BTBD1: variants seen among roughly 807,000 people sequenced by gnomAD.
The protein encoded by BTBD1 is BTB domain containing 1.
BTBD1 carries 34 observed loss-of-function variants against 48.0 expected under a neutral mutation model. The ratio of observed to expected loss-of-function variants is 0.71; its 90% CI spans 0.54 to 0.94. BTBD1 has a LOEUF of 0.94. Ranked by LOEUF, BTBD1 falls within the 40% of genes least tolerant of loss-of-function variation. The pLI is 0.00. For missense variants in BTBD1, 543 were observed against 625.6 expected (o/e 0.87, Z 1.41); for synonymous variants, 261 against 242.1 (o/e 1.08, Z -0.72).
At chr15:83,057,878 G>C (rs2033114629) in intron 1 of BTBD1, among the ~76,000 whole-genome samples, 1 of 152,240 alleles carries the variant, frequency 6.6e-6, no homozygotes, top group African/African-American at 2.4e-5. Context: ...TGTTGGCTGG[G>C]AGCTCTGTGT....
intron 4 of BTBD1, among the ~76,000 whole-genome samples, chr15:83,034,542 A>G (rs1006902786): frequency 6.6e-5 from 10 of 152,208 alleles, no homozygotes; most frequent in African/African-American, 2.4e-4. Flanking sequence ...TGAACCCAGA[A>G]GGTGGACGTT....
intron 3 of BTBD1, among the ~76,000 whole-genome samples, chr15:83,042,373 T>TATATAC (rs2032783450): frequency 8.2e-6 from 1 of 122,316 alleles, no homozygotes; most frequent in African/African-American, 3.2e-5. Flanking sequence ...TATATATATA[T>TATATAC]ATATGTATGT....
At chr15:83,044,396 G>T in intron 3 of BTBD1, 1 of 1,555,708 alleles carries the variant, frequency 6.4e-7, no homozygotes, top group Non-Finnish European at 8.8e-7. Context: ...CTGGGAGGAA[G>T]ATGGCGCCTG....
chr15:83,052,797 AT>A (rs398028150), intron 2 of BTBD1, among the ~76,000 whole-genome samples: 89 of 94,532 alleles, frequency 9.4e-4, no homozygotes, highest in Middle Eastern at 0.016. Context: ...CGCCCGGCTA[AT>A]TTTTTTTTTT....
intron 3 of BTBD1, chr15:83,044,589 A>G: frequency 6.3e-7 from 1 of 1,595,746 alleles, no homozygotes; most frequent in Non-Finnish European, 8.6e-7. Context: ...GTTTGAAGAA[A>G]CCACAGCTGA....
chr15:83,031,419 A>C (rs991657324), intron 4 of BTBD1, among the ~76,000 whole-genome samples: 2 of 152,236 alleles, frequency 1.3e-5, no homozygotes, highest in African/African-American at 4.8e-5. Flanking sequence ...AAAATGTGGT[A>C]CATATACACC....
chr15:83,023,942 A>T (rs1248718399), intron 5 of BTBD1, among the ~76,000 whole-genome samples: 1 of 152,282 alleles, frequency 6.6e-6, no homozygotes, highest in African/African-American at 2.4e-5. Context: ...ATCTCGGCTC[A>T]TTGCAGCCTC....
intron 5 of BTBD1, among the ~76,000 whole-genome samples, chr15:83,025,357 CAAAAAAAAAA>C (rs767479917): frequency 3.1e-5 from 2 of 64,176 alleles, no homozygotes; most frequent in African/African-American, 1.2e-4. Context: ...GACTCCATCA[CAAAAAAAAAA>C]AAAAAAAAAA....
At position 83,030,151 on chromosome 15, in the gene BTBD1, G is replaced by A. The variant is rs929327670; in HGVS notation, c.1040C>T (p.Thr347Met). Residue 347 changes from threonine to methionine, a missense_variant, in exon 5 of 8, where the codon ACG becomes ATG. By Grantham distance (81) the Thr-to-Met change is moderately conservative. Around this residue, in one of 3 missense-constraint regions of BTBD1, gnomAD observed 300 missense variants for 350.0 expected, o/e 0.86. Transcript: ENST00000261721. ...QVESRWGYSGTSDRIRFTVNR... is the reference protein window; with the variant it reads ...QVESRWGYSGMSDRIRFTVNR... ...TAACAGATACCTGATTCGATCACTC[G>A]TCCCACTGTAACCCCAGCGGCTTTC... The A allele has an allele frequency of 3.7e-6, 6 of 1,613,388 alleles. No homozygotes were observed. The East Asian group carries it at 6.7e-5, about 18-fold the overall frequency.
At position 83,044,615 on chromosome 15, in the gene BTBD1, G is replaced by C. The variant is rs2032839622; in HGVS notation, c.665-2690C>G. The C allele has an allele frequency of 3.8e-6, 6 of 1,581,700 alleles. No homozygotes were observed. The South Asian group carries it at 6.6e-5, about 17-fold the overall frequency. On this transcript the variant is annotated intron_variant, in intron 3 of 7. Coordinates refer to ENST00000261721, the MANE Select transcript of BTBD1 (RefSeq NM_025238.4). Reference sequence around the variant, plus strand: ...CCACAGCTGATGGCAGAAAAACTCAGACTGTGTGCAGCTTTGCAGATGGTG... The same window carrying C: ...CCACAGCTGATGGCAGAAAAACTCACACTGTGTGCAGCTTTGCAGATGGTG...
At chr15:83,032,753 G>A (rs772991327) in intron 4 of BTBD1, among the ~76,000 whole-genome samples, 2 of 151,870 alleles carry the variant, frequency 1.3e-5, no homozygotes, top group East Asian at 3.9e-4. Context: ...GGAGGTGAGC[G>A]ATAAAAGCCT....
intron 3 of BTBD1, 74 bp from the exon 4 acceptor site, chr15:83,041,999 C>T: frequency 7.8e-7 from 1 of 1,282,562 alleles, no homozygotes; most frequent in Middle Eastern, 1.9e-4. Context: ...AACAGACACA[C>T]TTATATTAAG....
intron 5 of BTBD1, among the ~76,000 whole-genome samples, chr15:83,025,635 T>C (rs1411083944): frequency 6.6e-6 from 1 of 152,172 alleles, no homozygotes; most frequent in African/African-American, 2.4e-5. Flanking sequence ...TATAGTGATA[T>C]ATAAAATTAC....
chr15:83,025,680 TACTC>T (rs1303417878), intron 5 of BTBD1, among the ~76,000 whole-genome samples: 2 of 152,310 alleles, frequency 1.3e-5, no homozygotes, highest in South Asian at 4.1e-4. Flanking sequence ...AGTAACATAA[TACTC>T]AAAATATTTA....
intron 1 of BTBD1, among the ~76,000 whole-genome samples, chr15:83,065,234 A>C (rs545743691): frequency 6.6e-6 from 1 of 152,324 alleles, no homozygotes; most frequent in African/African-American, 2.4e-5. Context: ...TATAGCACCA[A>C]ACTGTTTTCC....
chr15:83,019,265 T>C, intron 6 of BTBD1, among the ~76,000 whole-genome samples: 1 of 152,076 alleles, frequency 6.6e-6, no homozygotes, highest in Non-Finnish European at 1.5e-5. Context: ...TTTCATCATG[T>C]TGGCCAGGCT....
At chr15:83,031,067 G>C (rs896942831) in intron 4 of BTBD1, among the ~76,000 whole-genome samples, 2 of 152,142 alleles carry the variant, frequency 1.3e-5, no homozygotes, top group Non-Finnish European at 2.9e-5. Flanking sequence ...TGGGTCAAAT[G>C]GTATTTCTAG....
intron 1 of BTBD1, among the ~76,000 whole-genome samples, chr15:83,066,429 C>T (rs919161995): frequency 5.3e-5 from 8 of 152,180 alleles, no homozygotes; most frequent in African/African-American, 1.9e-4. Context: ...CCTGATCTGC[C>T]CCTCTATCCT....
At chr15:83,049,956 A>T (rs2032945736) in intron 3 of BTBD1, 117 bp downstream of exon 3, 3 of 589,902 alleles carry the variant, frequency 5.1e-6, no homozygotes, top group Admixed American at 3.0e-5. Context: ...ACTCTTAGAG[A>T]GACTTCAATC....
Sources: gnomAD v4.1 joint callset for allele counts (sites outside exome capture counted in the v4.1 genomes callset) on GRCh38, gnomAD v4.1.1 for gene constraint, gnomAD v4.1.1 regional missense constraint, MANE v1.5 for transcripts, NCBI Gene and HGNC (gene_info 2026-07-23, HGNC 2026-07-21) for gene names.